SLC60A1: variants seen among roughly 807,000 people sequenced by gnomAD.
SLC60A1 encodes major facilitator superfamily domain containing 4.
the SLC60A1 span, chr1:205,583,858 TCTC>T: frequency 7.0e-7 from 1 of 1,420,448 alleles, no homozygotes; most frequent in Non-Finnish European, 9.3e-7. Flanking sequence ...AGAGCTGTCT[TCTC>T]CCAGGACTAT....
At chr1:205,599,468 G>C in the SLC60A1 span, among the ~76,000 whole-genome samples, 1 of 152,152 alleles carries the variant, frequency 6.6e-6, no homozygotes, top group Non-Finnish European at 1.5e-5. Flanking sequence ...GCGAGAGCTG[G>C]GTCGGCTGAC....
At chr1:205,581,113 A>T in the SLC60A1 span, among the ~76,000 whole-genome samples, 5 of 152,240 alleles carry the variant, frequency 3.3e-5, no homozygotes, top group Non-Finnish European at 4.4e-5. This position sits in a 1 kb window ranked among gnomAD's most constrained non-coding sequence, Gnocchi z 4.2. Flanking sequence ...TCCTTCAGCG[A>T]CCTGTGATTG....
the SLC60A1 span, among the ~76,000 whole-genome samples, chr1:205,595,793 ACT>A: frequency 6.6e-6 from 1 of 152,204 alleles, no homozygotes; most frequent in Admixed American, 6.5e-5. Flanking sequence ...TGTCTTGTTA[ACT>A]CTTAGTATTC....
chr1:205,581,582 C>T, the SLC60A1 span, among the ~76,000 whole-genome samples: 2 of 152,172 alleles, frequency 1.3e-5, no homozygotes, highest in Non-Finnish European at 2.9e-5. The surrounding 1 kb of genome is among the most constrained non-coding windows in gnomAD (Gnocchi z 4.2). Flanking sequence ...TGGGGAGACC[C>T]CCTACCCCCA....
chr1:205,574,900 G>C, the SLC60A1 span, among the ~76,000 whole-genome samples: 1 of 152,332 alleles, frequency 6.6e-6, no homozygotes, highest in African/African-American at 2.4e-5. Context: ...GGGTGGTCCT[G>C]CCGTAGCTTG....
the SLC60A1 span, chr1:205,586,332 A>G: frequency 8.6e-7 from 1 of 1,162,796 alleles, no homozygotes; most frequent in Non-Finnish European, 1.2e-6. Context: ...TCAGGAGTAG[A>G]GGGAAGAGAG....
chr1:205,580,636 C>CCCCCCCCCCCCCCCCT, the SLC60A1 span: 2 of 1,581,666 alleles, frequency 1.3e-6, no homozygotes, highest in South Asian at 1.1e-5. This position sits in a 1 kb window ranked among gnomAD's most constrained non-coding sequence, Gnocchi z 5.0. Flanking sequence ...CCCACCCCCA[C>CCCCCCCCCCCCCCCCT]CCGCCACCTC....
the SLC60A1 span, chr1:205,597,685 A>G: frequency 7.7e-7 from 1 of 1,304,362 alleles, no homozygotes; most frequent in Non-Finnish European, 1.1e-6. Flanking sequence ...TCCGAAATGC[A>G]TATGCCACTG....
chr1:205,575,717 C>T, the SLC60A1 span, among the ~76,000 whole-genome samples: 2 of 152,168 alleles, frequency 1.3e-5, no homozygotes, highest in African/African-American at 4.8e-5. Context: ...CAGGCTCCTT[C>T]CTCTTCCCTC....
chr1:205,570,474 C>T, the SLC60A1 span, among the ~76,000 whole-genome samples: 6 of 152,212 alleles, frequency 3.9e-5, no homozygotes, highest in Non-Finnish European at 7.3e-5. Context: ...TACAGGTGTT[C>T]GTGAGGGCAG....
At chr1:205,578,448 C>G in the SLC60A1 span, among the ~76,000 whole-genome samples, 1 of 152,190 alleles carries the variant, frequency 6.6e-6, no homozygotes, top group Non-Finnish European at 1.5e-5. Flanking sequence ...CTCTCCTCCC[C>G]CATGAGTTCT....
At chr1:205,593,433 G>A in the SLC60A1 span, among the ~76,000 whole-genome samples, 119 of 28,074 alleles carry the variant, frequency 4.2e-3, 2 homozygotes, top group Non-Finnish European at 7.5e-3. Context: ...CAGCCTGGGC[G>A]ACAGGGCGAG....
At chr1:205,594,110 C>T in the SLC60A1 span, among the ~76,000 whole-genome samples, 1 of 152,168 alleles carries the variant, frequency 6.6e-6, no homozygotes, top group Non-Finnish European at 1.5e-5. Context: ...CTTTCTGCTA[C>T]TCAGGACATC....
chr1:205,587,378 C>A, the SLC60A1 span, among the ~76,000 whole-genome samples: 1 of 152,034 alleles, frequency 6.6e-6, no homozygotes, highest in African/African-American at 2.4e-5. Flanking sequence ...GTTTCAGAGA[C>A]AAAGATCATG....
the SLC60A1 span, among the ~76,000 whole-genome samples, chr1:205,582,408 C>T: frequency 6.6e-6 from 1 of 152,220 alleles, no homozygotes; most frequent in Admixed American, 6.5e-5. Flanking sequence ...TGGGTGCACA[C>T]GCACACACAC....
the SLC60A1 span, chr1:205,583,987 G>A: frequency 1.2e-6 from 2 of 1,613,806 alleles, no homozygotes; most frequent in Non-Finnish European, 1.7e-6. Flanking sequence ...TGATGCTGCT[G>A]TCCAAGGAGC....
chr1:205,569,323 C>T, the SLC60A1 span: 6 of 1,452,684 alleles, frequency 4.1e-6, no homozygotes, highest in South Asian at 7.8e-5. Flanking sequence ...CCGTGCGCCC[C>T]CGCCCCGCGG....
chr1:205,580,801 G>C, the SLC60A1 span: 1 of 1,614,164 alleles, frequency 6.2e-7, no homozygotes, highest in Non-Finnish European at 8.5e-7. This position sits in a 1 kb window ranked among gnomAD's most constrained non-coding sequence, Gnocchi z 5.0. Context: ...TCTCCAGGGT[G>C]CTGGGCCAGC....
At chr1:205,581,065 G>A in the SLC60A1 span, 1 of 1,121,800 alleles carries the variant, frequency 8.9e-7, no homozygotes, top group African/African-American at 1.6e-5. The surrounding 1 kb of genome is among the most constrained non-coding windows in gnomAD (Gnocchi z 4.2). Context: ...AGGATGGGAG[G>A]ACAAACCCTC....
Sources: gnomAD v4.1 joint callset for allele counts (sites outside exome capture counted in the v4.1 genomes callset) on GRCh38, gnomAD v4.1.1 for gene constraint, Gnocchi (gnomAD v3.1) non-coding constraint, MANE v1.5 for transcripts, NCBI Gene and HGNC (gene_info 2026-07-23, HGNC 2026-07-21) for gene names.